ZNF695: variants seen among roughly 807,000 people sequenced by gnomAD.
ZNF695 encodes zinc finger protein SBZF3.
Under a neutral mutation model 11.2 loss-of-function variants are expected in ZNF695, and 11 were observed. The ratio of observed to expected loss-of-function variants is 0.98; its 90% CI spans 0.62 to 1.62. ZNF695 has a LOEUF of 1.62. Ranked by LOEUF, ZNF695 falls within the 40% of genes most tolerant of loss-of-function variation. ZNF695 has a pLI of 0.00. For missense variants in ZNF695, 559 were observed against 590.5 expected (o/e 0.95, Z 0.55); for synonymous variants, 190 against 201.4 (o/e 0.94, Z 0.48).
chr1:246,953,100 T>C (rs530747815), intron 5 of ZNF695, among the ~76,000 whole-genome samples: 1 of 152,230 alleles, frequency 6.6e-6, no homozygotes, highest in South Asian at 2.1e-4. Context: ...AATACTAAGT[T>C]TGTTCTACTC....
chr1:246,987,223 G>T lies in ZNF695; in HGVS notation c.1292C>A (p.Thr431Asn). The change falls in exon 4 of 4, where the codon ACT becomes AAT. Residue 431 changes from threonine to asparagine, a missense_variant. By Grantham distance (65) the Thr-to-Asn change is moderately conservative. Transcript: ENST00000339986. ...SYLTQHKRIH[T>N]GEKPYKCDEC... ...ATCACATTTGTAGGGTTTCTCTCCAGTATGAATTCTCTTATGTTGAGTAAG... is the reference window on the plus strand; with the variant it reads ...ATCACATTTGTAGGGTTTCTCTCCATTATGAATTCTCTTATGTTGAGTAAG... 1 of 1,613,890 alleles carries T rather than the reference G, an allele frequency of 6.2e-7. No individual in the cohort carries two copies. Among genetic ancestry groups the T allele is most frequent in the Non-Finnish European group, 8.5e-7 (1 of 1,179,990 alleles).
At chr1:246,958,155 T>C (rs1332604247) in intron 5 of ZNF695, among the ~76,000 whole-genome samples, 2 of 150,016 alleles carry the variant, frequency 1.3e-5, no homozygotes, top group Admixed American at 1.3e-4. Context: ...GCCTCCCGGG[T>C]TCACGCCATT....
rs777571021 is a variant in ZNF695 at position 246,987,314 on chromosome 1, TTC to T, written c.1199_1200del (p.Arg400AsnfsTer11). ...TWFSYLIQHK[R>X]IHTGQKPYKC... ...TTGTAGGGTTTCTGCCCAGTATGAA[TTC>T]TCTTATGCTGAATAAGGTATGAGAA... On this transcript the variant is annotated frameshift_variant, in exon 4 of 4. Coordinates refer to ENST00000339986, the MANE Select transcript of ZNF695 (RefSeq NM_020394.5). LOFTEE classifies it low-confidence loss of function (END_TRUNC). 1 of 1,613,836 alleles carries T rather than the reference TTC, an allele frequency of 6.2e-7. No individual in the cohort carries two copies. Among genetic ancestry groups the T allele is most frequent in the Non-Finnish European group, 8.5e-7 (1 of 1,179,958 alleles).
chr1:246,988,935 C>G (rs1668939132), intron 3 of ZNF695, among the ~76,000 whole-genome samples: 2 of 150,638 alleles, frequency 1.3e-5, no homozygotes, highest in South Asian at 4.2e-4. Flanking sequence ...CTAAAAAATA[C>G]AAAAAAAAAT....
chr1:246,979,399 C>A (rs1028104530), intron 4 of ZNF695, among the ~76,000 whole-genome samples: 13 of 152,100 alleles, frequency 8.5e-5, no homozygotes, highest in African/African-American at 3.1e-4. Flanking sequence ...GCCAGGAGAG[C>A]ATCCTGGGTA....
intron 1 of ZNF695, among the ~76,000 whole-genome samples, chr1:247,007,437 G>A (rs1397943636): frequency 1.3e-5 from 2 of 149,718 alleles, no homozygotes; most frequent in African/African-American, 2.5e-5. Flanking sequence ...CAGAGGTTGC[G>A]GTGAGCCGAG....
chr1:246,949,619 C>T (rs1667823664), intron 5 of ZNF695, among the ~76,000 whole-genome samples: 1 of 151,380 alleles, frequency 6.6e-6, no homozygotes, highest in Admixed American at 6.6e-5. Context: ...AAAAAGAGCT[C>T]TATCTCTTGA....
intron 5 of ZNF695, among the ~76,000 whole-genome samples, chr1:246,953,928 C>T (rs949617335): frequency 7.0e-5 from 5 of 71,912 alleles, no homozygotes; most frequent in African/African-American, 2.7e-4. Flanking sequence ...TGTCTCAAAA[C>T]AAACAAACAA....
intron 3 of ZNF695, among the ~76,000 whole-genome samples, chr1:246,988,747 G>A (rs1211592599): frequency 1.3e-5 from 2 of 152,106 alleles, no homozygotes; most frequent in Admixed American, 6.5e-5. Context: ...CCTGAGGTCG[G>A]GAATTCAAGT....
chr1:246,991,250 A>G (rs1194058475), intron 3 of ZNF695, among the ~76,000 whole-genome samples: 1 of 152,158 alleles, frequency 6.6e-6, no homozygotes, highest in Non-Finnish European at 1.5e-5. Context: ...GCACAAACAC[A>G]GACAACCAAA....
chr1:246,972,890 A>G (rs1378346258), intron 4 of ZNF695, among the ~76,000 whole-genome samples: 1 of 150,806 alleles, frequency 6.6e-6, no homozygotes, highest in Non-Finnish European at 1.5e-5. Flanking sequence ...ATTTGTCATG[A>G]GTCAAGTCTA....
intron 4 of ZNF695, among the ~76,000 whole-genome samples, chr1:246,973,764 A>T (rs1305287800): frequency 6.6e-6 from 1 of 152,242 alleles, no homozygotes; most frequent in Non-Finnish European, 1.5e-5. Flanking sequence ...TTAAAAACAT[A>T]TCCACAATCA....
downstream of ZNF695, among the ~76,000 whole-genome samples, chr1:246,983,708 C>A (rs1668770251): frequency 6.6e-6 from 1 of 152,040 alleles, no homozygotes; most frequent in South Asian, 2.1e-4. Context: ...ATCGCAGCTA[C>A]TTGGCAGACC....
intron 2 of ZNF695, 90 bp from the exon 3 acceptor site, chr1:246,999,530 T>C: frequency 1.0e-6 from 1 of 979,452 alleles, no homozygotes; most frequent in Non-Finnish European, 1.5e-6. Context: ...AACATCACAT[T>C]AGATCCTAGA....
chr1:247,007,643 G>C (rs1450836610), intron 1 of ZNF695, among the ~76,000 whole-genome samples: 1 of 152,150 alleles, frequency 6.6e-6, no homozygotes, highest in African/African-American at 2.4e-5. Flanking sequence ...GCGGGCGCGG[G>C]GCTGCCCCGG....
At chr1:246,968,716 C>G (rs1558307650) in intron 4 of ZNF695, 1 of 152,278 alleles carries the variant, frequency 6.6e-6, no homozygotes, top group East Asian at 1.9e-4. Context: ...AGAATGGAGG[C>G]TCCCAAGCCT....
chr1:247,000,484 A>G (rs1669331651), intron 1 of ZNF695, among the ~76,000 whole-genome samples: 1 of 152,226 alleles, frequency 6.6e-6, no homozygotes, highest in Non-Finnish European at 1.5e-5. Context: ...TGACAGAGCG[A>G]GACTCTGTCT....
At position 246,986,618 on chromosome 1, in the gene ZNF695, G is replaced by T; in HGVS notation, c.*349C>A. ...GTGTGAACACTCTGGTGTTTTCTGA[G>T]GTATATTTTTTGAACAAATGTTGTT... On this transcript the variant is annotated 3_prime_UTR_variant, in exon 4 of 4. Coordinates refer to ENST00000339986, the MANE Select transcript of ZNF695 (RefSeq NM_020394.5). The T allele has an allele frequency of 9.9e-7, 1 of 1,014,126 alleles. No homozygotes were observed. The highest frequency in any genetic ancestry group is 1.2e-6 in the Non-Finnish European group (1 of 848,998). The allele number at this position is 1,014,126 out of a possible 1,614,324, so 62.8% of individuals were successfully genotyped here.
chr1:246,961,963 G>C (rs1219335935), intron 5 of ZNF695, among the ~76,000 whole-genome samples: 1 of 152,208 alleles, frequency 6.6e-6, no homozygotes, highest in Non-Finnish European at 1.5e-5. Context: ...GCAGACATAT[G>C]AGTTGTCATG....
Sources: gnomAD v4.1 joint callset for allele counts (sites outside exome capture counted in the v4.1 genomes callset) on GRCh38, gnomAD v4.1.1 for gene constraint, MANE v1.5 for transcripts, NCBI Gene and HGNC (gene_info 2026-07-23, HGNC 2026-07-21) for gene names.